GABBR2: variants seen among roughly 807,000 people sequenced by gnomAD.
GABBR2 encodes gamma-aminobutyric acid type B receptor subunit 2.
Under a neutral mutation model 105.6 loss-of-function variants are expected in GABBR2, and 23 were observed. The observed-to-expected ratio is 0.22, with a 90% CI of 0.16 to 0.31. GABBR2 has a LOEUF of 0.31. GABBR2 is among the 10% of genes least tolerant of loss of function. The pLI, the probability that GABBR2 is intolerant of heterozygous loss-of-function variation, is 1.00. For missense variants in GABBR2, 734 were observed against 1,245.5 expected, an observed-to-expected ratio of 0.59 and a Z score of 6.18; for synonymous variants, 478 against 499.7, an observed-to-expected ratio of 0.96 and a Z score of 0.58.
intron 4 of GABBR2, among the ~76,000 whole-genome samples, chr9:98,493,510 T>A (rs374450360): frequency 8.5e-5 from 13 of 152,346 alleles, no homozygotes; most frequent in African/African-American, 3.1e-4. Flanking sequence ...TATTTGGCGA[T>A]TTCCTCTGAA....
intron 1 of GABBR2, among the ~76,000 whole-genome samples, chr9:98,676,564 G>A (rs879542963): frequency 6.6e-6 from 1 of 152,194 alleles, no homozygotes; most frequent in Admixed American, 6.5e-5. Context: ...TTCAGCTTTA[G>A]GACAAGTTGC....
intron 13 of GABBR2, among the ~76,000 whole-genome samples, chr9:98,322,931 C>A (rs1195052037): frequency 6.6e-6 from 1 of 152,090 alleles, no homozygotes; most frequent in Non-Finnish European, 1.5e-5. Context: ...TTCCTCTGAC[C>A]CCCTCACATT....
chr9:98,439,206 G>C (rs912330456), intron 7 of GABBR2, among the ~76,000 whole-genome samples: 1 of 152,034 alleles, frequency 6.6e-6, no homozygotes, highest in African/African-American at 2.4e-5. Flanking sequence ...AAGAGTGTGG[G>C]TCTGGATACC....
chr9:98,415,073 A>T (rs1047468143), intron 7 of GABBR2, among the ~76,000 whole-genome samples: 1 of 152,214 alleles, frequency 6.6e-6, no homozygotes, highest in Non-Finnish European at 1.5e-5. Context: ...ATAATGAATT[A>T]AAAAAGTAAA....
chr9:98,644,831 C>CA (rs1830010951), intron 1 of GABBR2, among the ~76,000 whole-genome samples: 1 of 151,712 alleles, frequency 6.6e-6, no homozygotes, highest in South Asian at 2.1e-4. Context: ...GACACTATCT[C>CA]AAAAATGAAA....
chr9:98,553,618 T>C (rs1229591571), intron 2 of GABBR2, among the ~76,000 whole-genome samples: 1 of 152,126 alleles, frequency 6.6e-6, no homozygotes, highest in Non-Finnish European at 1.5e-5. Context: ...GAGGCAAAGC[T>C]GGGACCTGAG....
chr9:98,349,252 C>G (rs972197730), intron 13 of GABBR2, among the ~76,000 whole-genome samples: 4 of 150,678 alleles, frequency 2.7e-5, no homozygotes, highest in Non-Finnish European at 5.9e-5. Context: ...TACGTTGAAT[C>G]ATTCTTGCAA....
At chr9:98,615,197 T>C (rs1161180920) in intron 1 of GABBR2, among the ~76,000 whole-genome samples, 1 of 152,168 alleles carries the variant, frequency 6.6e-6, no homozygotes, top group Non-Finnish European at 1.5e-5. Context: ...CCTAGCAGGA[T>C]GCGAGACACA....
intron 1 of GABBR2, among the ~76,000 whole-genome samples, chr9:98,684,307 G>C (rs1008094362): frequency 6.6e-6 from 1 of 151,912 alleles, no homozygotes; most frequent in Non-Finnish European, 1.5e-5. Context: ...AGATAGTCAG[G>C]TTATAAGTGA....
chr9:98,397,494 C>A (rs539097473), intron 8 of GABBR2, among the ~76,000 whole-genome samples: 28 of 151,978 alleles, frequency 1.8e-4, no homozygotes, highest in African/African-American at 5.8e-4. Context: ...GGGTTAAAGA[C>A]GAGAATATAT....
intron 2 of GABBR2, among the ~76,000 whole-genome samples, chr9:98,546,631 CTTT>C (rs1828407492): frequency 6.6e-6 from 1 of 152,166 alleles, no homozygotes; most frequent in African/African-American, 2.4e-5. Flanking sequence ...TTGCCTGTCA[CTTT>C]TTTATCCTCC....
At position 98,319,747 on chromosome 9, in the gene GABBR2, C is replaced by A. The variant is rs977669126; in HGVS notation, c.1894-8542G>T. On this transcript the variant is annotated intron_variant, in intron 13 of 18. Coordinates refer to ENST00000259455, the MANE Select transcript of GABBR2 (RefSeq NM_005458.8). The stretch of plus-strand genomic sequence containing the variant: ...GTTTCTCTTCTTATAGGTGGAGAAA[C>A]GCAGGCGCAGAAAAGAACCTGGAAC... Among the ~76,000 whole-genome samples the A allele has an allele frequency of 2.6e-5, 4 of 152,062 alleles. No homozygotes were observed. In the East Asian group the frequency reaches 5.8e-4, roughly 22 times the overall value.
intron 1 of GABBR2, among the ~76,000 whole-genome samples, chr9:98,586,197 G>T (rs115263673): frequency 6.6e-6 from 1 of 151,702 alleles, no homozygotes; most frequent in African/African-American, 2.4e-5. Context: ...AGACCTCTGC[G>T]CCCACACCTG....
chr9:98,334,254 A>G (rs1036738445), intron 13 of GABBR2, among the ~76,000 whole-genome samples: 1 of 152,256 alleles, frequency 6.6e-6, no homozygotes, highest in Non-Finnish European at 1.5e-5. Context: ...GTAAGAGAAC[A>G]TTATGCACAA....
intron 3 of GABBR2, among the ~76,000 whole-genome samples, chr9:98,519,354 T>G (rs1400373694): frequency 1.2e-4 from 19 of 152,190 alleles, no homozygotes; most frequent in Admixed American, 7.8e-4. Flanking sequence ...TGTGCTCCAG[T>G]GATCAGAGAA....
intron 2 of GABBR2, among the ~76,000 whole-genome samples, chr9:98,560,766 T>C: frequency 7.5e-6 from 1 of 134,202 alleles, no homozygotes. Context: ...GTATTATATA[T>C]ATACTATATA....
At chr9:98,484,800 C>T (rs1408148968) in intron 4 of GABBR2, among the ~76,000 whole-genome samples, 3 of 152,234 alleles carry the variant, frequency 2.0e-5, no homozygotes, top group African/African-American at 7.2e-5. Flanking sequence ...CATGTGCATG[C>T]TCTCATGAAA....
intron 1 of GABBR2, among the ~76,000 whole-genome samples, chr9:98,671,722 T>C (rs574271483): frequency 6.6e-6 from 1 of 152,348 alleles, no homozygotes; most frequent in African/African-American, 2.4e-5. Context: ...GGTTTTGATC[T>C]GCATTTGCCT....
At chr9:98,314,384 G>A (rs996553326) in intron 13 of GABBR2, among the ~76,000 whole-genome samples, 2 of 152,060 alleles carry the variant, frequency 1.3e-5, no homozygotes, top group East Asian at 1.9e-4. Context: ...GCAGTAGCAC[G>A]GACCCATTCC....
Sources: gnomAD v4.1 joint callset for allele counts (sites outside exome capture counted in the v4.1 genomes callset) on GRCh38, gnomAD v4.1.1 for gene constraint, MANE v1.5 for transcripts, NCBI Gene and HGNC (gene_info 2026-07-23, HGNC 2026-07-21) for gene names.